ANK1: variants seen among roughly 807,000 people sequenced by gnomAD.
The protein encoded by ANK1 is ankyrin 1, also known as ankyrin-1.
A neutral mutation model predicts 210.4 loss-of-function variants in ANK1; 51 were observed. That is an observed-to-expected ratio of 0.24 (90% CI 0.19 to 0.31). The LOEUF is 0.31. ANK1 is among the 10% of genes least tolerant of loss of function. ANK1 has a pLI of 1.00. For missense variants in ANK1, 2,051 were observed against 2,504.4 expected (o/e 0.82, Z 3.86); for synonymous variants, 967 against 1,025.9 (o/e 0.94, Z 1.10).
At chr8:41,735,966 G>T (rs1244757953) in intron 2 of ANK1, among the ~76,000 whole-genome samples, 1 of 151,690 alleles carries the variant, frequency 6.6e-6, no homozygotes, top group African/African-American at 2.4e-5. Context: ...TGTAGGGAGA[G>T]GGGGTGGTTC....
At position 41,833,370 on chromosome 8, in the gene ANK1, C is replaced by T. The variant is rs551545779; in HGVS notation, c.126+62985G>A. Among the ~76,000 whole-genome samples, 5 of 152,260 alleles carry T rather than the reference C, an allele frequency of 3.3e-5. No homozygotes were observed. The South Asian group carries it at 1.0e-3, about 32-fold the overall frequency. ...GGGTGGTGAAACCCACGGGTCTGTG[C>T]AATGTAGGGAAGGGGGTGGTGCCTC... On this transcript the variant is annotated intron_variant, in intron 1 of 42. Transcript: ENST00000265709.
intron 1 of ANK1, among the ~76,000 whole-genome samples, chr8:41,830,282 A>C (rs1415459749): frequency 3.3e-5 from 5 of 150,112 alleles, no homozygotes; most frequent in African/African-American, 9.9e-5. Context: ...CAAAATACAC[A>C]CATTTCTAGA....
chr8:41,710,321 C>T (rs960970107), intron 16 of ANK1, among the ~76,000 whole-genome samples: 14 of 152,280 alleles, frequency 9.2e-5, no homozygotes, highest in African/African-American at 3.1e-4. Context: ...GAGGCCAATT[C>T]TCTGTAAGGT....
At chr8:41,773,571 G>A (rs1054533501) in intron 1 of ANK1, among the ~76,000 whole-genome samples, 4 of 152,298 alleles carry the variant, frequency 2.6e-5, no homozygotes, top group South Asian at 2.1e-4. Flanking sequence ...TAACGAGCTC[G>A]TGAGTTGGAA....
intron 38 of ANK1, among the ~76,000 whole-genome samples, chr8:41,672,121 C>T (rs1407044453): frequency 3.9e-5 from 6 of 152,338 alleles, no homozygotes; most frequent in Non-Finnish European, 5.9e-5. Context: ...CAGTGCTCCT[C>T]GGGGTCTCTC....
At chr8:41,862,405 G>A (rs537334809) in intron 1 of ANK1, among the ~76,000 whole-genome samples, 99 of 152,282 alleles carry the variant, frequency 6.5e-4, no homozygotes, top group African/African-American at 2.3e-3. Context: ...GAGAGCAAAC[G>A]GAGGAAACCA....
In ANK1 at chr8:41,758,220, C is replaced by T. The variant is rs573458337; in HGVS notation, c.28-83G>A. ...CCGTTCAAGTCCCAGGCCCCCGCAG[C>T]AGCCCCTGCATCCTCTGATGTGGCA... On this transcript the variant is annotated intron_variant, in intron 1 of 42. Transcript: ENST00000289734. The T allele has an allele frequency of 6.9e-4, 847 of 1,221,782 alleles. 11 individuals carry two copies. In the South Asian group the frequency reaches 8.7e-3, roughly 13 times the overall value. The allele number at this position is 1,221,782 out of a possible 1,614,324, so 75.7% of individuals were successfully genotyped here. A position where few individuals can be genotyped will look rare whatever the true frequency, so the allele number is the denominator to read the frequency against.
In ANK1 at chr8:41,771,277, A is replaced by G. The variant is rs191111888; in HGVS notation, c.28-13140T>C. Among the ~76,000 whole-genome samples, 21 of 152,254 alleles carry G rather than the reference A, an allele frequency of 1.4e-4. No homozygotes were observed. In the East Asian group the frequency reaches 3.7e-3, roughly 27 times the overall value. ...CAGAAAAAAAAAACCTCAACATTTG[A>G]TCTGGCATATAGACCACTGGGTAAG... is the stretch of plus-strand genomic sequence containing the variant. On this transcript the variant is annotated intron_variant, in intron 1 of 42. Coordinates refer to ENST00000289734, the MANE Select transcript of ANK1 (RefSeq NM_000037.4).
intron 2 of ANK1, among the ~76,000 whole-genome samples, chr8:41,755,924 C>T (rs1839032893): frequency 6.6e-6 from 1 of 152,148 alleles, no homozygotes; most frequent in South Asian, 2.1e-4. Context: ...AAATTCCAGT[C>T]AGGTCCACAT....
At chr8:41,824,994 A>T (rs1255775160) in intron 1 of ANK1, among the ~76,000 whole-genome samples, 2 of 152,234 alleles carry the variant, frequency 1.3e-5, no homozygotes, top group Non-Finnish European at 2.9e-5. Context: ...CTGGGGCAAA[A>T]AAGTGAGCCC....
intron 1 of ANK1, among the ~76,000 whole-genome samples, chr8:41,842,835 T>C (rs1489536836): frequency 6.6e-6 from 1 of 152,142 alleles, no homozygotes; most frequent in African/African-American, 2.4e-5. Context: ...GAACACATTT[T>C]TGGGGGGTTG....
At position 41,697,519 on chromosome 8, in the gene ANK1, G is replaced by A. The variant is rs1177160332; in HGVS notation, c.2637+524C>T. ...CCTTGGGGCTGGTTAGGGCCTCCCT[G>A]CTCTGCACTCTGTGAGCACTCACAC... On this transcript the variant is annotated intron_variant, in intron 24 of 42. Transcript: ENST00000289734. Among the ~76,000 whole-genome samples the A allele has an allele frequency of 2.6e-5, 4 of 152,010 alleles. No individual in the cohort carries two copies. In the South Asian group the frequency reaches 8.4e-4, roughly 32 times the overall value.
chr8:41,672,408 G>A lies in ANK1; in HGVS notation c.5042C>T (p.Ala1681Val). 1 of 1,614,194 alleles carries A rather than the reference G, an allele frequency of 6.2e-7. No individual in the cohort carries two copies. Among genetic ancestry groups the A allele is most frequent in the Non-Finnish European group, 8.5e-7 (1 of 1,180,040 alleles). Residue 1681 changes from alanine to valine, a missense_variant, in exon 38 of 43, where the codon GCC becomes GTC. Physicochemically the swap from Ala to Val is moderately conservative, Grantham distance 64 (BLOSUM62 0). This residue lies in a region of ANK1 where 496 missense variants were observed against 533.4 expected (regional missense o/e 0.93). Coordinates refer to ENST00000289734, the MANE Select transcript of ANK1 (RefSeq NM_000037.4). ...CACGGTGGGGGAATGTGTGATTCGG[G>A]CTTGCCCCCTCTGATGGCCTGAAAC... is the stretch of plus-strand genomic sequence containing the variant. ...SLVSGHQRGQ[A>V]RITHSPTVSQ...
intron 37 of ANK1, among the ~76,000 whole-genome samples, chr8:41,676,366 A>G (rs753165823): frequency 6.6e-6 from 1 of 152,160 alleles, no homozygotes; most frequent in Non-Finnish European, 1.5e-5. Flanking sequence ...TCATGTGCTT[A>G]TTTGCCATGT....
chr8:41,663,561 C>T lies in ANK1; in HGVS notation c.5478+98G>A. 3 of 1,228,188 alleles carry T rather than the reference C, an allele frequency of 2.4e-6. No homozygotes were observed. In the South Asian group the frequency reaches 3.6e-5, roughly 15 times the overall value. 76.1% of individuals were successfully genotyped at this position (1,228,188 alleles called of 1,614,324 possible). A position where few individuals can be genotyped will look rare whatever the true frequency, so the allele number is the denominator to read the frequency against. ...CAGCCAGCCTGGCTGTGCTCACCTG[C>T]TGTGAGGGCAGCAGGGAGAAGCCAC... On this transcript the variant is annotated intron_variant, in intron 40 of 42. Transcript: ENST00000289734.
intron 3 of ANK1, among the ~76,000 whole-genome samples, chr8:41,729,812 A>G (rs934139337): frequency 3.9e-5 from 6 of 152,074 alleles, no homozygotes; most frequent in Admixed American, 6.5e-5. Flanking sequence ...CTGGACCACA[A>G]TGTCAGCACT....
At chr8:41,819,086 A>T (rs1803784106) in intron 1 of ANK1, among the ~76,000 whole-genome samples, 2 of 152,222 alleles carry the variant, frequency 1.3e-5, no homozygotes, top group Admixed American at 6.5e-5. Flanking sequence ...CTGGTTTCTC[A>T]TAAATAAGCC....
rs995793307 is a variant in ANK1 at position 41,694,929 on chromosome 8, T to TAGTGGCCAGAAGA, written c.3116-139_3116-127dup. On this transcript the variant is annotated intron_variant, in intron 27 of 42. Coordinates refer to ENST00000289734, the MANE Select transcript of ANK1 (RefSeq NM_000037.4). This position sits in a 1 kb window ranked among gnomAD's most constrained non-coding sequence, Gnocchi z 5.7. ...CACCCTCCCCAGGTGCCGGGCGGCATAGTGGCCAGAAGAAGTGGCCAGAAG... is the reference window on the plus strand; with the variant it reads ...CACCCTCCCCAGGTGCCGGGCGGCATAGTGGCCAGAAGAAGTGGCCAGAAGAAGTGGCCAGAAG... 2.6e-6 allele frequency: 3 copies of TAGTGGCCAGAAGA among 1,150,594 alleles called. No homozygotes were observed. Among genetic ancestry groups the TAGTGGCCAGAAGA allele is most frequent in the Non-Finnish European group, 3.8e-6 (3 of 784,804 alleles). The allele number at this position is 1,150,594 out of a possible 1,614,324, so 71.3% of individuals were successfully genotyped here.
intron 37 of ANK1, 100 bp from the exon 38 acceptor site, chr8:41,673,012 G>T: frequency 7.8e-7 from 1 of 1,278,720 alleles, no homozygotes; most frequent in Non-Finnish European, 1.1e-6. Context: ...ACATGCGGGT[G>T]CGGCCACAGA....
Sources: allele counts gnomAD v4.1 joint callset (sites outside exome capture counted in the v4.1 genomes callset), GRCh38; gene constraint gnomAD v4.1.1; regional missense constraint gnomAD v4.1.1; non-coding constraint Gnocchi (gnomAD v3.1); transcripts MANE v1.5; gene names NCBI Gene and HGNC (gene_info 2026-07-23, HGNC 2026-07-21).